QTMAN: variants seen among roughly 807,000 people sequenced by gnomAD.
QTMAN encodes tRNA-queuosine alpha-mannosyltransferase.
At chr2:144,248,715 C>T in the QTMAN span, among the ~76,000 whole-genome samples, 11 of 150,814 alleles carry the variant, frequency 7.3e-5, no homozygotes, top group African/African-American at 2.7e-4. Flanking sequence ...GAGGAAATTC[C>T]AAAAACAATC....
the QTMAN span, among the ~76,000 whole-genome samples, chr2:144,277,770 G>A: frequency 1.3e-5 from 2 of 151,944 alleles, no homozygotes; most frequent in Admixed American, 6.6e-5. Context: ...GACAGCAAAG[G>A]TGCTAAATCA....
At chr2:144,110,840 A>G in the QTMAN span, among the ~76,000 whole-genome samples, 7 of 152,218 alleles carry the variant, frequency 4.6e-5, no homozygotes, top group Non-Finnish European at 7.3e-5. Flanking sequence ...TAGATGAAGT[A>G]GGGACACTTG....
the QTMAN span, among the ~76,000 whole-genome samples, chr2:143,981,876 G>A: frequency 6.6e-6 from 1 of 152,012 alleles, no homozygotes; most frequent in African/African-American, 2.4e-5. Context: ...TTAATTACAT[G>A]TCTCCTCTCT....
the QTMAN span, among the ~76,000 whole-genome samples, chr2:144,070,487 C>T: frequency 6.6e-6 from 1 of 151,992 alleles, no homozygotes; most frequent in Non-Finnish European, 1.5e-5. Context: ...GATTCCCTTC[C>T]CCAATTTAGA....
the QTMAN span, among the ~76,000 whole-genome samples, chr2:144,055,796 G>A: frequency 6.6e-6 from 1 of 152,144 alleles, no homozygotes; most frequent in Non-Finnish European, 1.5e-5. Context: ...TAGATCCTGG[G>A]GCAGTCATGC....
the QTMAN span, among the ~76,000 whole-genome samples, chr2:143,995,380 G>A: frequency 7.6e-4 from 116 of 152,246 alleles, no homozygotes; most frequent in African/African-American, 2.8e-3. Flanking sequence ...GTGGGCAAAA[G>A]TGAGAGTCCC....
chr2:144,013,317 A>G, the QTMAN span, among the ~76,000 whole-genome samples: 1 of 152,152 alleles, frequency 6.6e-6, no homozygotes, highest in Non-Finnish European at 1.5e-5. Flanking sequence ...CTACCCCTGC[A>G]GGACACAGCT....
At chr2:144,049,336 T>A in the QTMAN span, among the ~76,000 whole-genome samples, 1 of 152,184 alleles carries the variant, frequency 6.6e-6, no homozygotes, top group African/African-American at 2.4e-5. Flanking sequence ...GAACTAAGCC[T>A]CACACAATCG....
At chr2:144,204,467 G>A in the QTMAN span, among the ~76,000 whole-genome samples, 3 of 152,170 alleles carry the variant, frequency 2.0e-5, no homozygotes, top group African/African-American at 7.2e-5. Context: ...CAGTTAGAAT[G>A]ATGATCATTA....
the QTMAN span, chr2:144,145,538 A>G: frequency 2.6e-6 from 4 of 1,527,924 alleles, 1 homozygote; most frequent in Middle Eastern, 3.5e-4. Flanking sequence ...AAAGGTAGCA[A>G]AGGGCCAAAT....
chr2:144,057,676 A>G, the QTMAN span, among the ~76,000 whole-genome samples: 956 of 152,326 alleles, frequency 6.3e-3, 13 homozygotes, highest in African/African-American at 0.022. Flanking sequence ...GAGAATTATA[A>G]TACCTCTTCC....
the QTMAN span, among the ~76,000 whole-genome samples, chr2:144,270,660 G>C: frequency 6.6e-6 from 1 of 151,680 alleles, no homozygotes; most frequent in Non-Finnish European, 1.5e-5. Context: ...GCCGGGGGTG[G>C]GGGGGCAAGG....
chr2:144,208,615 C>A, the QTMAN span: 1 of 1,613,080 alleles, frequency 6.2e-7, no homozygotes, highest in East Asian at 2.2e-5. Flanking sequence ...GTAATGCTCA[C>A]TGATGGGAAT....
At chr2:144,240,436 TG>T in the QTMAN span, among the ~76,000 whole-genome samples, 4 of 152,222 alleles carry the variant, frequency 2.6e-5, no homozygotes, top group East Asian at 7.7e-4. Context: ...TATACACTTC[TG>T]GGTGCACAAT....
the QTMAN span, among the ~76,000 whole-genome samples, chr2:144,018,043 C>T: frequency 6.6e-6 from 1 of 151,978 alleles, no homozygotes; most frequent in East Asian, 1.9e-4. Flanking sequence ...TAATATATTC[C>T]TCCATTTCTA....
the QTMAN span, chr2:144,006,282 A>C: frequency 2.0e-5 from 3 of 152,074 alleles, no homozygotes; most frequent in East Asian, 5.8e-4. Context: ...CAACTGGGAG[A>C]GCTTCTAGAG....
the QTMAN span, among the ~76,000 whole-genome samples, chr2:144,118,850 C>A: frequency 6.6e-6 from 1 of 152,118 alleles, no homozygotes; most frequent in Non-Finnish European, 1.5e-5. Flanking sequence ...CACTGCACTC[C>A]AGCCTGGGCG....
At chr2:144,133,191 TTATA>T in the QTMAN span, among the ~76,000 whole-genome samples, 1 of 35,076 alleles carries the variant, frequency 2.9e-5, no homozygotes, top group Non-Finnish European at 5.0e-5. Context: ...TAATATAAAT[TTATA>T]TATATATATT....
chr2:144,115,023 G>A, the QTMAN span, among the ~76,000 whole-genome samples: 1 of 152,038 alleles, frequency 6.6e-6, no homozygotes, highest in Non-Finnish European at 1.5e-5. Context: ...TAAGTCAGGA[G>A]TTTGAGACTA....
Sources: allele counts gnomAD v4.1 joint callset (sites outside exome capture counted in the v4.1 genomes callset), GRCh38; gene constraint gnomAD v4.1.1; transcripts MANE v1.5; gene names NCBI Gene and HGNC (gene_info 2026-07-23, HGNC 2026-07-21).